The following MRPL12 variants were observed in gnomAD, a reference collection of about 807,000 sequenced individuals.
MRPL12 encodes mitochondrial ribosomal protein L12, also known as large ribosomal subunit protein bL12m.
MRPL12 carries 13 observed loss-of-function variants against 21.1 expected under a neutral mutation model. The observed-to-expected ratio is 0.62, with a 90% CI of 0.40 to 0.98. The LOEUF (loss-of-function observed/expected upper bound fraction) is 0.98. MRPL12 is among the 50% of genes least tolerant of loss of function. MRPL12 has a pLI of 0.00. For missense variants in MRPL12, 251 were observed against 268.6 expected (o/e 0.93, Z 0.46); for synonymous variants, 126 against 115.3 (o/e 1.09, Z -0.60).
intron 3 of MRPL12, among the ~76,000 whole-genome samples, chr17:81,705,556 G>C (rs1328565568): frequency 6.6e-6 from 1 of 152,162 alleles, no homozygotes; most frequent in African/African-American, 2.4e-5. Flanking sequence ...AAGAGAGCAC[G>C]GCCTTCCTGG....
intron 1 of MRPL12, among the ~76,000 whole-genome samples, 200 bp downstream of exon 1, chr17:81,703,775 G>T (rs1464929516): frequency 6.6e-6 from 1 of 152,226 alleles, no homozygotes; most frequent in Admixed American, 6.5e-5. Context: ...GGAAAGCGCC[G>T]GGGTCGGCCC....
intron 1 of MRPL12, 121 bp downstream of exon 1, chr17:81,703,696 C>A: frequency 1.0e-6 from 1 of 961,196 alleles, no homozygotes; most frequent in Non-Finnish European, 1.4e-6. Context: ...CCAGGCCGGG[C>A]TTGGGGGTCC....
At position 81,703,399 on chromosome 17, in the gene MRPL12, G is replaced by T. The variant is rs1202066746; in HGVS notation, c.-103G>T. On this transcript the variant is annotated 5_prime_UTR_variant, in exon 1 of 5. Coordinates refer to ENST00000333676, the MANE Select transcript of MRPL12 (RefSeq NM_002949.4). ...CCGGCTCGAATGCCCGGCAGCCGTGGCGGCTAGAGCGTTCCTCCCCAGCTC... is the reference window on the plus strand; with the variant it reads ...CCGGCTCGAATGCCCGGCAGCCGTGTCGGCTAGAGCGTTCCTCCCCAGCTC... The T allele has an allele frequency of 1.0e-6, 1 of 964,470 alleles. No homozygotes were observed. Among genetic ancestry groups the T allele is most frequent in the East Asian group, 3.3e-5 (1 of 30,588 alleles). 59.7% of individuals were successfully genotyped at this position (964,470 alleles called of 1,614,324 possible). A position where few individuals can be genotyped will look rare whatever the true frequency, so the allele number is the denominator to read the frequency against.
intron 1 of MRPL12, among the ~76,000 whole-genome samples, chr17:81,703,807 C>T (rs1028650031): frequency 1.3e-4 from 20 of 152,248 alleles, no homozygotes; most frequent in Non-Finnish European, 2.2e-4. Context: ...GGACGATTCC[C>T]TGCTCCTCCC....
Position 81,707,050 on chromosome 17 carries a change from G to A in MRPL12, c.480+10G>A, listed in dbSNP as rs773868237. The A allele has an allele frequency of 1.2e-5, 19 of 1,613,956 alleles. No individual in the cohort carries two copies. The highest frequency in any genetic ancestry group is 1.7e-5 in the Admixed American group (1 of 60,010). ...CATCAACCTCGTCCAGGTCTGTGCC[G>A]CGGTGGGGGTTCCGAGGCAGGTTCC... On this transcript the variant is annotated intron_variant, in intron 4 of 4. Coordinates refer to ENST00000333676, the MANE Select transcript of MRPL12 (RefSeq NM_002949.4).
chr17:81,703,641 T>A, intron 1 of MRPL12, 66 bp downstream of exon 1: 2 of 1,270,706 alleles, frequency 1.6e-6, no homozygotes, highest in Non-Finnish European at 1.0e-6. Context: ...CACTGAGGGG[T>A]CGATCCGGGC....
chr17:81,705,136 G>A (rs889755999), intron 3 of MRPL12, among the ~76,000 whole-genome samples: 1 of 151,968 alleles, frequency 6.6e-6, no homozygotes, highest in East Asian at 1.9e-4. Context: ...CCAGCTACTC[G>A]GGAGGCTGAG....
chr17:81,705,379 G>A (rs991141666), intron 3 of MRPL12, among the ~76,000 whole-genome samples: 2 of 101,752 alleles, frequency 2.0e-5, no homozygotes, highest in African/African-American at 4.3e-5. Context: ...AACAGAGCAA[G>A]ACCCTGTCTC....
intron 3 of MRPL12, among the ~76,000 whole-genome samples, chr17:81,705,410 AAGAG>A (rs1308576356): frequency 6.7e-6 from 1 of 148,922 alleles, no homozygotes; most frequent in Admixed American, 6.7e-5. Flanking sequence ...AAAAAAAAAA[AAGAG>A]GAAAAAGAAA....
Position 81,707,143 on chromosome 17 carries a change from C to A in MRPL12, c.500C>A (p.Ser167Tyr). The A allele has an allele frequency of 6.2e-7, 1 of 1,614,000 alleles. No individual in the cohort carries two copies. Among genetic ancestry groups the A allele is most frequent in the Non-Finnish European group, 8.5e-7 (1 of 1,179,998 alleles). The change falls in exon 5 of 5, where the codon TCC (serine) becomes TAC (tyrosine). Residue 167 changes from serine (S) to tyrosine (Y), a missense_variant. Ser to Tyr is a moderately radical substitution (Grantham distance 144). Transcript: ENST00000333676. ...NLVQAKKLVE[S>Y]LPQEIKANVA... is the part of the protein sequence containing the mutation. ...TGGCAGGCAAAGAAGCTGGTGGAGTCCCTGCCCCAGGAAATCAAAGCCAAT... is the reference window on the plus strand; with the variant it reads ...TGGCAGGCAAAGAAGCTGGTGGAGTACCTGCCCCAGGAAATCAAAGCCAAT...
rs956414670 is a variant in MRPL12, at chr17:81,707,368, A to G, written c.*128A>G. On this transcript the variant is annotated 3_prime_UTR_variant, in exon 5 of 5. Coordinates refer to ENST00000333676, the MANE Select transcript of MRPL12 (RefSeq NM_002949.4). ...GCCGTTTGGGAGAATTGCCTGCGCC[A>G]CGCAGCGGGGCCGGACAGGCCGCAC... 4.3e-6 allele frequency: 4 copies of G among 929,542 alleles called. No individual in the cohort carries two copies. In the African/African-American group the frequency reaches 6.6e-5, roughly 15 times the overall value. 57.6% of individuals were successfully genotyped at this position (929,542 alleles called of 1,614,324 possible).
intron 3 of MRPL12, 112 bp from the exon 4 acceptor site, chr17:81,706,794 G>T: frequency 1.5e-6 from 2 of 1,318,052 alleles, no homozygotes; most frequent in Non-Finnish European, 2.1e-6. Flanking sequence ...GCTTCGCTGG[G>T]GCCTCCGCTG....
Position 81,707,346 on chromosome 17 carries a change from G to A in MRPL12, c.*106G>A, listed in dbSNP as rs1442076418. On this transcript the variant is annotated 3_prime_UTR_variant, in exon 5 of 5. Coordinates refer to ENST00000333676, the MANE Select transcript of MRPL12 (RefSeq NM_002949.4). ...CCAGCACCAGGCGCCCAGTGGAGCC[G>A]TTTGGGAGAATTGCCTGCGCCACGC... 3.6e-5 allele frequency: 39 copies of A among 1,098,546 alleles called. No homozygotes were observed. The highest frequency in any genetic ancestry group is 3.1e-4 in the Middle Eastern group (1 of 3,210). 68.0% of individuals were successfully genotyped at this position (1,098,546 alleles called of 1,614,324 possible).
intron 2 of MRPL12, 29 bp downstream of exon 2, chr17:81,704,459 G>A (rs1467634658): frequency 3.1e-6 from 5 of 1,601,964 alleles, no homozygotes; most frequent in Non-Finnish European, 4.3e-6. Context: ...ACAGACCCAG[G>A]GGCTGGAAGT....
intron 1 of MRPL12, among the ~76,000 whole-genome samples, chr17:81,703,992 C>G (rs2037285236): frequency 6.6e-6 from 1 of 152,216 alleles, no homozygotes; most frequent in Admixed American, 6.5e-5. Context: ...AGTGGTATGG[C>G]TGCAAATAAA....
Position 81,707,141 on chromosome 17 carries a change from G to T in MRPL12, c.498G>T (p.Glu166Asp). 6.2e-7 allele frequency: 1 copy of T among 1,614,030 alleles called. No individual in the cohort carries two copies. Among genetic ancestry groups the T allele is most frequent in the Non-Finnish European group, 8.5e-7 (1 of 1,179,998 alleles). Reference sequence around the variant, plus strand: ...TCTGGCAGGCAAAGAAGCTGGTGGAGTCCCTGCCCCAGGAAATCAAAGCCA... The same window carrying T: ...TCTGGCAGGCAAAGAAGCTGGTGGATTCCCTGCCCCAGGAAATCAAAGCCA... ...INLVQAKKLVESLPQEIKANV... is the reference protein window; with the variant it reads ...INLVQAKKLVDSLPQEIKANV... The change falls in exon 5 of 5, where the codon GAG (glutamate) becomes GAT (aspartate). Residue 166 changes from glutamate (E) to aspartate (D), a missense_variant. Glu to Asp is a conservative substitution (Grantham distance 45, BLOSUM62 2). Coordinates refer to ENST00000333676, the MANE Select transcript of MRPL12 (RefSeq NM_002949.4).
Position 81,704,269 on chromosome 17 carries a change from G to C in MRPL12, c.100G>C (p.Val34Leu). 1.2e-6 allele frequency: 2 copies of C among 1,611,762 alleles called. No individual in the cohort carries two copies. The highest frequency in any genetic ancestry group is 1.7e-6 in the Non-Finnish European group (2 of 1,179,494). Residue 34 changes from valine (V) to leucine (L), a missense_variant, in exon 2 of 5, where the codon GTG becomes CTG. Physicochemically the swap from Val to Leu is conservative, Grantham distance 32. Coordinates refer to ENST00000333676, the MANE Select transcript of MRPL12 (RefSeq NM_002949.4). ...GCGACAGGTGCCATGTGTCTGTGCC[G>C]TGCGACATATGAGGAGCAGCGGCCA... ...ARRQVPCVCA[V>L]RHMRSSGHQR...
At position 81,704,354 on chromosome 17, in the gene MRPL12, C is replaced by G. The variant is rs202006132; in HGVS notation, c.185C>G (p.Pro62Arg). 229 of 1,613,702 alleles carry G rather than the reference C, an allele frequency of 1.4e-4. No individual in the cohort carries two copies. Among genetic ancestry groups the G allele is most frequent in the Non-Finnish European group, 1.8e-4 (207 of 1,179,956 alleles). The change falls in exon 2 of 5, where the codon CCC becomes CGC. Residue 62 changes from proline (P) to arginine (R), a missense_variant. By Grantham distance (103) the Pro-to-Arg change is moderately radical. Coordinates refer to ENST00000333676, the MANE Select transcript of MRPL12 (RefSeq NM_002949.4). The part of the protein sequence containing the change: ...PLDNAPKEYP[P>R]KIQQLVQDIA... Reference sequence around the variant, plus strand: ...GATAACGCCCCCAAGGAGTACCCCCCCAAGATACAGCAGCTGGTCCAGGAC... The same window carrying G: ...GATAACGCCCCCAAGGAGTACCCCCGCAAGATACAGCAGCTGGTCCAGGAC...
chr17:81,707,234 G>C lies in MRPL12; in HGVS notation c.591G>C (p.Leu197=). 6.3e-7 allele frequency: 1 copy of C among 1,590,744 alleles called. No individual in the cohort carries two copies. The highest frequency in any genetic ancestry group is 2.2e-5 in the East Asian group (1 of 44,624). ...AGGCGGTGGGCGGCACCGTGGTTCT[G>C]GAGTAGCCTCCAGCTCGGAGGACTT... ...ALEAVGGTVV[L]E Residue 197 remains leucine (L), a synonymous_variant, in exon 5 of 5, where the codon CTG becomes CTC. Coordinates refer to ENST00000333676, the MANE Select transcript of MRPL12 (RefSeq NM_002949.4).
Sources: gnomAD v4.1 joint callset for allele counts (sites outside exome capture counted in the v4.1 genomes callset) on GRCh38, gnomAD v4.1.1 for gene constraint, MANE v1.5 for transcripts, NCBI Gene and HGNC (gene_info 2026-07-23, HGNC 2026-07-21) for gene names.